The following BLOC1S4 variants were observed in gnomAD, a reference collection of about 807,000 sequenced individuals.
BLOC1S4 encodes biogenesis of lysosome-related organelles complex 1 subunit 4.
For missense variants in BLOC1S4, 332 were observed against 308.8 expected (o/e 1.07, Z -0.56); for synonymous variants, 179 against 143.7 (o/e 1.25, Z -1.76).
In BLOC1S4 at chr4:6,717,559, ATG is replaced by A. The variant is rs748979923; in HGVS notation, c.*710_*711del. ...GTCTTCATTTGTCCATAGCAAACAT[ATG>A]TGTGTGTGTGTGTATATATATATGT... On this transcript the variant is annotated 3_prime_UTR_variant, in exon 1 of 1. Transcript: ENST00000320776. 1.5e-4 allele frequency: 25 copies of A among 165,676 alleles called. No homozygotes were observed. The highest frequency in any genetic ancestry group is 7.4e-5 in the Non-Finnish European group (5 of 67,928). 10.3% of individuals were successfully genotyped at this position (165,676 alleles called of 1,614,324 possible). A position where few individuals can be genotyped will look rare whatever the true frequency, so the allele number is the denominator to read the frequency against.
Position 6,716,560 on chromosome 4 carries a change from C to A in BLOC1S4, c.351C>A (p.Gly117=). 6.3e-7 allele frequency: 1 copy of A among 1,576,612 alleles called. No individual in the cohort carries two copies. The highest frequency in any genetic ancestry group is 8.6e-7 in the Non-Finnish European group (1 of 1,166,352). Residue 117 remains glycine, a synonymous_variant, in exon 1 of 1, where the codon GGC becomes GGA. Coordinates refer to ENST00000320776, the MANE Select transcript of BLOC1S4 (RefSeq NM_018366.3). ...RGDSSHVVSE[G]VPRIHAKAAE... is the part of the protein sequence containing the mutation. ...ACTCGTCCCACGTCGTCAGCGAGGG[C>A]GTGCCGCGCATCCACGCGAAGGCCG...
rs1714937401 is a variant in BLOC1S4, at chr4:6,717,270, A to G, written c.*407A>G. On this transcript the variant is annotated 3_prime_UTR_variant, in exon 1 of 1. Coordinates refer to ENST00000320776, the MANE Select transcript of BLOC1S4 (RefSeq NM_018366.3). ...GCACTGTGGCAAAACTGTTATTTTT[A>G]TGGATTTTACTAAATGGCGTTACCT... is the stretch of plus-strand genomic sequence containing the variant. The G allele has an allele frequency of 5.8e-6, 1 of 171,652 alleles. No homozygotes were observed. Among genetic ancestry groups the G allele is most frequent in the African/African-American group, 2.4e-5 (1 of 41,664 alleles). The allele number at this position is 171,652 out of a possible 1,614,324, so 10.6% of individuals were successfully genotyped here.
chr4:6,716,818 G>T lies in BLOC1S4; in HGVS notation c.609G>T (p.Arg203=). The change falls in exon 1 of 1, where the codon CGG becomes CGT. Residue 203 remains arginine (R), a synonymous_variant. Coordinates refer to ENST00000320776, the MANE Select transcript of BLOC1S4 (RefSeq NM_018366.3). The part of the protein sequence containing the change: ...QAGYEAPVLF[R]TEDYFPCCSE... ...GCTACGAAGCCCCCGTCCTGTTTCGGACCGAAGACTACTTCCCTTGTTGCA... is the reference window on the plus strand; with the variant it reads ...GCTACGAAGCCCCCGTCCTGTTTCGTACCGAAGACTACTTCCCTTGTTGCA... 1 of 1,612,354 alleles carries T rather than the reference G, an allele frequency of 6.2e-7. No homozygotes were observed. The highest frequency in any genetic ancestry group is 2.2e-5 in the East Asian group (1 of 44,834).
Position 6,716,900 on chromosome 4 carries a change from G to C in BLOC1S4, c.*37G>C. ...CTGCGGCAAGAGGACCCCAGCTGGG[G>C]TGCTTACCTCCAGTATGAAGTGAAT... On this transcript the variant is annotated 3_prime_UTR_variant, in exon 1 of 1. Coordinates refer to ENST00000320776, the MANE Select transcript of BLOC1S4 (RefSeq NM_018366.3). 6.5e-7 allele frequency: 1 copy of C among 1,530,880 alleles called. No individual in the cohort carries two copies. Among genetic ancestry groups the C allele is most frequent in the Non-Finnish European group, 8.8e-7 (1 of 1,131,558 alleles). 94.8% of individuals were successfully genotyped at this position (1,530,880 alleles called of 1,614,324 possible).
At position 6,717,049 on chromosome 4, in the gene BLOC1S4, T is replaced by A; in HGVS notation, c.*186T>A. 1 of 577,090 alleles carries A rather than the reference T, an allele frequency of 1.7e-6. No individual in the cohort carries two copies. 35.7% of individuals were successfully genotyped at this position (577,090 alleles called of 1,614,324 possible). On this transcript the variant is annotated 3_prime_UTR_variant, in exon 1 of 1. Transcript: ENST00000320776. Reference sequence around the variant, plus strand: ...ATGTATAGACTTTATGTCTTCCAAGTTTAAAAAAAGAGACAGGGTCTTGGT... The same window carrying A: ...ATGTATAGACTTTATGTCTTCCAAGATTAAAAAAAGAGACAGGGTCTTGGT...
Position 6,716,339 on chromosome 4 carries a change from T to C in BLOC1S4, c.130T>C (p.Trp44Arg). ...SQSHSSASGPWEDEGAEDGAP... is the reference protein window; with the variant it reads ...SQSHSSASGPREDEGAEDGAP... ...GAGCCACAGCAGCGCCTCGGGGCCG[T>C]GGGAGGACGAGGGCGCGGAGGACGG... The change falls in exon 1 of 1, where the codon TGG becomes CGG. Residue 44 changes from tryptophan to arginine, a missense_variant. Coordinates refer to ENST00000320776, the MANE Select transcript of BLOC1S4 (RefSeq NM_018366.3). 1.6e-6 allele frequency: 2 copies of C among 1,235,720 alleles called. No individual in the cohort carries two copies. The highest frequency in any genetic ancestry group is 2.0e-6 in the Non-Finnish European group (2 of 992,188). 76.5% of individuals were successfully genotyped at this position (1,235,720 alleles called of 1,614,324 possible). A position where few individuals can be genotyped will look rare whatever the true frequency, so the allele number is the denominator to read the frequency against.
At position 6,716,516 on chromosome 4, in the gene BLOC1S4, C is replaced by T; in HGVS notation, c.307C>T (p.Leu103=). Residue 103 remains leucine (L), a synonymous_variant, in exon 1 of 1, where the codon CTG becomes TTG. Transcript: ENST00000320776. The part of the protein sequence containing the change: ...LTRVDEFVGM[L]DMLRGDSSHV... ...CAGAGTGGACGAGTTCGTGGGCATG[C>T]TGGACATGCTTCGCGGCGACTCGTC... 1 of 1,543,068 alleles carries T rather than the reference C, an allele frequency of 6.5e-7. No individual in the cohort carries two copies. The highest frequency in any genetic ancestry group is 1.4e-5 in the African/African-American group (1 of 73,352).
rs1405095604 is a variant in BLOC1S4 at position 6,716,214 on chromosome 4, A to T, written c.5A>T (p.Glu2Val). M[E>V]GSFSDGGALP... ...GCAGTCGGGTGGTCGCGGGCCATGG[A>T]GGGTAGCTTTTCGGATGGCGGAGCG... is the stretch of plus-strand genomic sequence containing the variant. The change falls in exon 1 of 1, where the codon GAG becomes GTG. Residue 2 changes from glutamate (E) to valine (V), a missense_variant. By Grantham distance (121) the Glu-to-Val change is moderately radical. Transcript: ENST00000320776. 3 of 1,233,918 alleles carry T rather than the reference A, an allele frequency of 2.4e-6. No individual in the cohort carries two copies. The highest frequency in any genetic ancestry group is 3.0e-6 in the Non-Finnish European group (3 of 987,562). 76.4% of individuals were successfully genotyped at this position (1,233,918 alleles called of 1,614,324 possible).
chr4:6,717,022 G>A lies in BLOC1S4; in HGVS notation c.*159G>A, dbSNP rs184787654. 91 of 696,940 alleles carry A rather than the reference G, an allele frequency of 1.3e-4. No individual in the cohort carries two copies. The highest frequency in any genetic ancestry group is 3.8e-4 in the Middle Eastern group (1 of 2,626). The allele number at this position is 696,940 out of a possible 1,614,324, so 43.2% of individuals were successfully genotyped here. A position where few individuals can be genotyped will look rare whatever the true frequency, so the allele number is the denominator to read the frequency against. On this transcript the variant is annotated 3_prime_UTR_variant, in exon 1 of 1. Coordinates refer to ENST00000320776, the MANE Select transcript of BLOC1S4 (RefSeq NM_018366.3). The stretch of plus-strand genomic sequence containing the variant: ...CGTAGTATATTCATGATTCAGTGTA[G>A]AATGTATAGACTTTATGTCTTCCAA...
chr4:6,717,391 A>G lies in BLOC1S4; in HGVS notation c.*528A>G, dbSNP rs1282303165. 6.0e-6 allele frequency: 1 copy of G among 166,898 alleles called. No individual in the cohort carries two copies. Among genetic ancestry groups the G allele is most frequent in the Non-Finnish European group, 1.5e-5 (1 of 68,156 alleles). 10.3% of individuals were successfully genotyped at this position (166,898 alleles called of 1,614,324 possible). ...AGTCAGTTTTCTAGAACCTACTTTT[A>G]GGGTAAATGGTACATTATTTAATAT... On this transcript the variant is annotated 3_prime_UTR_variant, in exon 1 of 1. Transcript: ENST00000320776.
chr4:6,717,055 A>G lies in BLOC1S4; in HGVS notation c.*192A>G, dbSNP rs1714932082. On this transcript the variant is annotated 3_prime_UTR_variant, in exon 1 of 1. Transcript: ENST00000320776. ...AGACTTTATGTCTTCCAAGTTTAAA[A>G]AAAGAGACAGGGTCTTGGTATGTTG... 2 of 578,868 alleles carry G rather than the reference A, an allele frequency of 3.5e-6. No homozygotes were observed. Among genetic ancestry groups the G allele is most frequent in the Non-Finnish European group, 6.0e-6 (2 of 333,500 alleles). The allele number at this position is 578,868 out of a possible 1,614,324, so 35.9% of individuals were successfully genotyped here.
At position 6,716,221 on chromosome 4, in the gene BLOC1S4, C is replaced by G; in HGVS notation, c.12C>G (p.Ser4Arg). The G allele has an allele frequency of 2.4e-6, 3 of 1,234,470 alleles. No homozygotes were observed. The highest frequency in any genetic ancestry group is 3.0e-6 in the Non-Finnish European group (3 of 987,810). The allele number at this position is 1,234,470 out of a possible 1,614,324, so 76.5% of individuals were successfully genotyped here. A position where few individuals can be genotyped will look rare whatever the true frequency, so the allele number is the denominator to read the frequency against. Residue 4 changes from serine (S) to arginine (R), a missense_variant, in exon 1 of 1, where the codon AGC becomes AGG. Physicochemically the swap from Ser to Arg is moderately radical, Grantham distance 110. Transcript: ENST00000320776. ...GGTGGTCGCGGGCCATGGAGGGTAG[C>G]TTTTCGGATGGCGGAGCGCTGCCGG... Reference protein sequence around the residue: MEGSFSDGGALPEG... With the variant: MEGRFSDGGALPEG...
At position 6,716,621 on chromosome 4, in the gene BLOC1S4, C is replaced by G. The variant is rs566454509; in HGVS notation, c.412C>G (p.Leu138Val). The change falls in exon 1 of 1, where the codon CTG (leucine) becomes GTG (valine). Residue 138 changes from leucine to valine, a missense_variant. By Grantham distance (32) the Leu-to-Val change is conservative (BLOSUM62 1). Transcript: ENST00000320776. ...MRRIYSRIDRLEAFVRMVGGR... is the reference protein window; with the variant it reads ...MRRIYSRIDRVEAFVRMVGGR... ...GCGCATCTACAGCAGGATCGACCGG[C>G]TGGAGGCCTTCGTGAGGATGGTGGG... The G allele has an allele frequency of 3.7e-6, 6 of 1,607,958 alleles. No homozygotes were observed. In the Admixed American group the frequency reaches 1.0e-4, roughly 27 times the overall value.
In BLOC1S4 at chr4:6,716,467, C is replaced by T. The variant is rs1463040194; in HGVS notation, c.258C>T (p.Asp86=). ...CGCGGCCCGAGGTCGAGGCCCTGGA[C>T]GCGAGCCTAGAGGACCTGCTTACCA... ...AGARPEVEAL[D]ASLEDLLTRV... is the part of the protein sequence containing the mutation. The change falls in exon 1 of 1, where the codon GAC becomes GAT. Residue 86 remains aspartate (D), a synonymous_variant. Transcript: ENST00000320776. The T allele has an allele frequency of 2.0e-6, 3 of 1,535,452 alleles. No homozygotes were observed. The highest frequency in any genetic ancestry group is 2.7e-5 in the African/African-American group (2 of 73,008).
rs754281246 is a variant in BLOC1S4 at position 6,716,679 on chromosome 4, C to G, written c.470C>G (p.Thr157Ser). 6.2e-7 allele frequency: 1 copy of G among 1,611,828 alleles called. No individual in the cohort carries two copies. The highest frequency in any genetic ancestry group is 8.5e-7 in the Non-Finnish European group (1 of 1,179,842). Residue 157 changes from threonine (T) to serine (S), a missense_variant, in exon 1 of 1, where the codon ACC becomes AGC. By Grantham distance (58) the Thr-to-Ser change is moderately conservative. Transcript: ENST00000320776. ...GRVARMEEQV[T>S]KAEAELGTFP... is the part of the protein sequence containing the mutation. ...GTGGCCAGGATGGAGGAGCAGGTCACCAAGGCCGAGGCCGAGCTGGGCACC... is the reference window on the plus strand; with the variant it reads ...GTGGCCAGGATGGAGGAGCAGGTCAGCAAGGCCGAGGCCGAGCTGGGCACC...
In BLOC1S4 at chr4:6,716,538, C is replaced by T. The variant is rs772738241; in HGVS notation, c.329C>T (p.Ser110Leu). ...VGMLDMLRGD[S>L]SHVVSEGVPR... ...ATGCTGGACATGCTTCGCGGCGACTCGTCCCACGTCGTCAGCGAGGGCGTG... is the reference window on the plus strand; with the variant it reads ...ATGCTGGACATGCTTCGCGGCGACTTGTCCCACGTCGTCAGCGAGGGCGTG... The change falls in exon 1 of 1, where the codon TCG becomes TTG. Residue 110 changes from serine (S) to leucine (L), a missense_variant. Transcript: ENST00000320776. 3.9e-6 allele frequency: 6 copies of T among 1,556,302 alleles called. No individual in the cohort carries two copies. Among genetic ancestry groups the T allele is most frequent in the South Asian group, 3.5e-5 (3 of 85,666 alleles).
chr4:6,716,977 T>A lies in BLOC1S4; in HGVS notation c.*114T>A. On this transcript the variant is annotated 3_prime_UTR_variant, in exon 1 of 1. Coordinates refer to ENST00000320776, the MANE Select transcript of BLOC1S4 (RefSeq NM_018366.3). ...GATGTTGGAGTGTGGGATTTTAAAG[T>A]TTACTTTCTACAAACTCTCCGTAGT... 1.0e-6 allele frequency: 1 copy of A among 984,280 alleles called. No homozygotes were observed. The highest frequency in any genetic ancestry group is 1.5e-6 in the Non-Finnish European group (1 of 674,102). 61.0% of individuals were successfully genotyped at this position (984,280 alleles called of 1,614,324 possible).
In BLOC1S4 at chr4:6,716,456, G is replaced by A. The variant is rs1056162854; in HGVS notation, c.247G>A (p.Glu83Lys). The A allele has an allele frequency of 7.2e-6, 11 of 1,534,330 alleles. 1 individual carries two copies. The African/African-American group carries it at 1.5e-4, about 21-fold the overall frequency. The change falls in exon 1 of 1, where the codon GAG becomes AAG. Residue 83 changes from glutamate (E) to lysine (K), a missense_variant. Glu to Lys is a moderately conservative substitution (Grantham distance 56). Transcript: ENST00000320776. Reference protein sequence around the residue: ...LPGAGARPEVEALDASLEDLL... With the variant: ...LPGAGARPEVKALDASLEDLL... ...CGGGGCCGGGGCGCGGCCCGAGGTCGAGGCCCTGGACGCGAGCCTAGAGGA... is the reference window on the plus strand; with the variant it reads ...CGGGGCCGGGGCGCGGCCCGAGGTCAAGGCCCTGGACGCGAGCCTAGAGGA...
At position 6,717,015 on chromosome 4, in the gene BLOC1S4, C is replaced by A; in HGVS notation, c.*152C>A. The A allele has an allele frequency of 1.4e-6, 1 of 722,202 alleles. No homozygotes were observed. The highest frequency in any genetic ancestry group is 2.3e-6 in the Non-Finnish European group (1 of 439,076). The allele number at this position is 722,202 out of a possible 1,614,324, so 44.7% of individuals were successfully genotyped here. On this transcript the variant is annotated 3_prime_UTR_variant, in exon 1 of 1. Coordinates refer to ENST00000320776, the MANE Select transcript of BLOC1S4 (RefSeq NM_018366.3). ...AACTCTCCGTAGTATATTCATGATT[C>A]AGTGTAGAATGTATAGACTTTATGT...
Sources: allele counts gnomAD v4.1 joint callset, GRCh38; gene constraint gnomAD v4.1.1; transcripts MANE v1.5; gene names NCBI Gene and HGNC (gene_info 2026-07-23, HGNC 2026-07-21).